The following ZMYM2 variants were observed in gnomAD, a reference collection of about 807,000 sequenced individuals.
The protein encoded by ZMYM2 is zinc finger MYM-type containing 2, also known as zinc finger MYM-type protein 2.
ZMYM2 carries 56 observed loss-of-function variants against 162.8 expected under a neutral mutation model. The observed-to-expected ratio is 0.34, with a 90% CI of 0.28 to 0.43. The LOEUF (loss-of-function observed/expected upper bound fraction) is 0.43. Ranked by LOEUF, ZMYM2 falls within the 20% of genes least tolerant of loss-of-function variation. The pLI, the probability that ZMYM2 is intolerant of heterozygous loss-of-function variation, is 1.00. For synonymous variants in ZMYM2, 510 were observed against 541.6 expected, an observed-to-expected ratio of 0.94 and a Z score of 0.81; for missense variants, 1,275 against 1,621.8, an observed-to-expected ratio of 0.79 and a Z score of 3.67.
intron 6 of ZMYM2, among the ~76,000 whole-genome samples, chr13:20,017,273 G>T (rs1242891846): frequency 6.6e-6 from 1 of 152,216 alleles, no homozygotes; most frequent in Non-Finnish European, 1.5e-5. Context: ...TAGGCTAATT[G>T]GCCTTTTCTT....
chr13:19,910,409 G>C, the ZMYM2 span, among the ~76,000 whole-genome samples: 13 of 152,098 alleles, frequency 8.5e-5, no homozygotes, highest in Admixed American at 1.3e-4. Context: ...GACCTATCTC[G>C]GTTTACTGAA....
intron 13 of ZMYM2, 35 bp from the exon 14 acceptor site, chr13:20,052,242 A>T (rs767770239): frequency 1.3e-6 from 2 of 1,510,826 alleles, no homozygotes; most frequent in South Asian, 2.5e-5. Flanking sequence ...AAGAAAGAGT[A>T]TTTGTCTTAT....
the ZMYM2 span, among the ~76,000 whole-genome samples, chr13:19,925,601 G>A: frequency 7.2e-5 from 11 of 151,884 alleles, no homozygotes; most frequent in African/African-American, 1.7e-4. Context: ...GGCCAGGTGC[G>A]GTGGCTCATG....
At chr13:20,051,679 A>T (rs1955361499) in intron 13 of ZMYM2, 81 bp downstream of exon 13, 4 of 1,364,088 alleles carry the variant, frequency 2.9e-6, no homozygotes, top group Non-Finnish European at 3.9e-6. Flanking sequence ...ACTGATAATG[A>T]ATAGTTGATT....
chr13:20,009,268 C>T (rs371750752), intron 6 of ZMYM2, among the ~76,000 whole-genome samples: 2 of 152,150 alleles, frequency 1.3e-5, no homozygotes, highest in Non-Finnish European at 2.9e-5. Flanking sequence ...TATTAAAGTA[C>T]TACCCCACAA....
chr13:19,925,212 A>G, the ZMYM2 span, among the ~76,000 whole-genome samples: 1 of 152,154 alleles, frequency 6.6e-6, no homozygotes, highest in Non-Finnish European at 1.5e-5. Context: ...ACTGTTTTCT[A>G]TAGTGGCTGT....
intron 2 of ZMYM2, among the ~76,000 whole-genome samples, chr13:19,986,198 A>AC (rs1949124182): frequency 6.6e-6 from 1 of 151,828 alleles, no homozygotes; most frequent in African/African-American, 2.4e-5. Flanking sequence ...CTCTCTCAAA[A>AC]AAACAAACAA....
intron 16 of ZMYM2, 130 bp from the exon 17 acceptor site, chr13:20,060,923 T>C (rs1253296278): frequency 3.6e-6 from 3 of 830,704 alleles, no homozygotes; most frequent in Admixed American, 5.8e-5. Context: ...CTTAGTTTTG[T>C]ATGTGTTCTT....
chr13:19,888,617 G>C, the ZMYM2 span, among the ~76,000 whole-genome samples: 10 of 151,344 alleles, frequency 6.6e-5, no homozygotes, highest in African/African-American at 2.4e-4. Flanking sequence ...ATTTATTTTT[G>C]GGACAGAGTT....
At chr13:19,998,371 G>A (rs901000199) in intron 3 of ZMYM2, among the ~76,000 whole-genome samples, 4 of 152,092 alleles carry the variant, frequency 2.6e-5, no homozygotes, top group Non-Finnish European at 5.9e-5. Context: ...CAGTGTCAAG[G>A]CAATAGATGC....
chr13:19,864,275 G>T, the ZMYM2 span: 1 of 154,974 alleles, frequency 6.5e-6, no homozygotes, highest in Non-Finnish European at 1.5e-5. Flanking sequence ...GCCCCGTGGG[G>T]AATAGTCCCC....
chr13:20,027,438 G>A, intron 9 of ZMYM2, 120 bp downstream of exon 9: 2 of 732,878 alleles, frequency 2.7e-6, no homozygotes, highest in Non-Finnish European at 4.1e-6. Context: ...GGGTCAAATT[G>A]GAAGGTGGAT....
intron 15 of ZMYM2, chr13:20,059,019 G>C (rs1956027552): frequency 4.6e-6 from 2 of 437,442 alleles, no homozygotes; most frequent in South Asian, 4.0e-5. Flanking sequence ...CTCTTTGCAT[G>C]TGGTTTGTAA....
intron 21 of ZMYM2, chr13:20,068,289 AC>A (rs1241133426): frequency 2.2e-5 from 4 of 178,242 alleles, no homozygotes; most frequent in African/African-American, 9.5e-5. Context: ...CCACCATTCC[AC>A]AAACCTCTGA....
chr13:19,989,864 G>C (rs1566232358), intron 2 of ZMYM2, among the ~76,000 whole-genome samples: 1 of 152,104 alleles, frequency 6.6e-6, no homozygotes, highest in African/African-American at 2.4e-5. Context: ...AAAGTCATCA[G>C]TATACCTTGT....
At chr13:19,945,441 G>A in the ZMYM2 span, among the ~76,000 whole-genome samples, 1 of 151,868 alleles carries the variant, frequency 6.6e-6, no homozygotes, top group Non-Finnish European at 1.5e-5. Flanking sequence ...TAGTAGAGAC[G>A]GGGTTTCACC....
At position 20,067,344 on chromosome 13, in the gene ZMYM2, A is replaced by C. The variant is rs371332712; in HGVS notation, c.3407A>C (p.Asn1136Thr). Residue 1136 changes from asparagine (N) to threonine (T), a missense_variant, in exon 21 of 25, where the codon AAT (asparagine) becomes ACT (threonine). Physicochemically the swap from Asn to Thr is moderately conservative, Grantham distance 65. This residue lies in a region of ZMYM2 where 229 missense variants were observed against 283.8 expected (regional missense o/e 0.81). Coordinates refer to ENST00000610343, the MANE Select transcript of ZMYM2 (RefSeq NM_197968.4). ...GAGATCCGACGGCCAAATGGAGAGA[A>C]TTATGCACCTGACAGCATCTATTAC... ...VNEIRRPNGE[N>T]YAPDSIYYLC... 38 of 1,611,332 alleles carry C rather than the reference A, an allele frequency of 2.4e-5. No homozygotes were observed. Among genetic ancestry groups the C allele is most frequent in the Non-Finnish European group, 3.2e-5 (38 of 1,178,670 alleles).
intron 19 of ZMYM2, among the ~76,000 whole-genome samples, chr13:20,064,873 T>C (rs1316756997): frequency 6.6e-6 from 1 of 151,396 alleles, no homozygotes; most frequent in Non-Finnish European, 1.5e-5. Context: ...AAACTTGTAT[T>C]GATACAAGGT....
At chr13:20,077,061 T>G (rs1244855381) in intron 21 of ZMYM2, among the ~76,000 whole-genome samples, 1 of 150,380 alleles carries the variant, frequency 6.6e-6, no homozygotes, top group African/African-American at 2.5e-5. Context: ...TTCTCTTGAT[T>G]ACAGGCGTGA....
Sources: allele counts gnomAD v4.1 joint callset (sites outside exome capture counted in the v4.1 genomes callset), GRCh38; gene constraint gnomAD v4.1.1; regional missense constraint gnomAD v4.1.1; transcripts MANE v1.5; gene names NCBI Gene and HGNC (gene_info 2026-07-23, HGNC 2026-07-21).